SLC22A15: variants seen among roughly 807,000 people sequenced by gnomAD.
SLC22A15 encodes solute carrier family 22 member 15, also known as flipt 1.
A neutral mutation model predicts 62.7 loss-of-function variants in SLC22A15; 45 were observed. The observed-to-expected ratio is 0.72, with a 90% CI of 0.56 to 0.92. SLC22A15 has a LOEUF of 0.92. SLC22A15 is among the 40% of genes least tolerant of loss of function. SLC22A15 has a pLI of 0.00. For missense variants in SLC22A15, 622 were observed against 665.6 expected (o/e 0.93, Z 0.72); for synonymous variants, 264 against 267.0 (o/e 0.99, Z 0.11).
chr1:115,999,166 A>G (rs1175631001), intron 2 of SLC22A15, among the ~76,000 whole-genome samples: 2 of 152,176 alleles, frequency 1.3e-5, no homozygotes, highest in Non-Finnish European at 2.9e-5. Context: ...ATATTTTTGA[A>G]ATTTTTAAGA....
At chr1:116,010,979 C>T (rs994470024) in intron 2 of SLC22A15, among the ~76,000 whole-genome samples, 7 of 152,210 alleles carry the variant, frequency 4.6e-5, no homozygotes, top group Non-Finnish European at 8.8e-5. Flanking sequence ...GGGTGACCTG[C>T]CCTTTGTCTT....
Position 116,020,884 on chromosome 1 carries a change from A to T in SLC22A15, c.597A>T (p.Ala199=). 1 of 1,610,526 alleles carries T rather than the reference A, an allele frequency of 6.2e-7. No homozygotes were observed. The highest frequency in any genetic ancestry group is 8.5e-7 in the Non-Finnish European group (1 of 1,177,974). Residue 199 remains alanine (A), a splice_region_variant and synonymous_variant, in exon 4 of 12, where the codon GCA becomes GCT. Transcript: ENST00000369503. ...TGGGCACCGCCTACTGGGCACTTGCAGGTACTACTTAAATCATGCAGCTCT... is the reference window on the plus strand; with the variant it reads ...TGGGCACCGCCTACTGGGCACTTGCTGGTACTACTTAAATCATGCAGCTCT... ...ECVGTAYWAL[A]GSIGGLFFAV... is the part of the protein sequence containing the mutation.
intron 5 of SLC22A15, among the ~76,000 whole-genome samples, chr1:116,028,219 A>G (rs1657198523): frequency 6.6e-6 from 1 of 152,150 alleles, no homozygotes; most frequent in African/African-American, 2.4e-5. Flanking sequence ...GAAGTGGCCT[A>G]TATTTTAAAA....
chr1:116,021,148 A>G (rs748578768), intron 4 of SLC22A15, among the ~76,000 whole-genome samples: 1 of 152,294 alleles, frequency 6.6e-6, no homozygotes, highest in Admixed American at 6.5e-5. Context: ...TACTGTGGAG[A>G]CTATTGATTT....
At chr1:115,985,207 A>G (rs547594390) in intron 1 of SLC22A15, among the ~76,000 whole-genome samples, 38 of 152,242 alleles carry the variant, frequency 2.5e-4, no homozygotes, top group Non-Finnish European at 5.3e-4. Context: ...CTTTTATTGT[A>G]TATTTTCTAT....
chr1:116,032,444 G>A, intron 6 of SLC22A15: 1 of 985,370 alleles, frequency 1.0e-6, no homozygotes, highest in South Asian at 4.7e-5. Flanking sequence ...AAGCCTGCAT[G>A]GAGCCCTACA....
intron 8 of SLC22A15, among the ~76,000 whole-genome samples, chr1:116,049,626 T>C (rs1167465347): frequency 1.3e-5 from 2 of 152,094 alleles, no homozygotes; most frequent in African/African-American, 4.8e-5. Context: ...TTCATACCCC[T>C]AAACACCTAC....
chr1:115,993,426 A>AGT lies in SLC22A15; in HGVS notation c.300+1184_300+1185insTG, dbSNP rs1553216968. 6.0e-3 allele frequency among the ~76,000 whole-genome samples: 736 copies of AGT among 123,048 alleles called. 8 individuals carry two copies. Among genetic ancestry groups the AGT allele is most frequent in the African/African-American group, 0.027 (694 of 25,620 alleles). 80.7% of individuals were successfully genotyped at this position (123,048 alleles called of 152,430 possible). ...ACTCTCCTGTGTGTGTGAGTGTGTG[A>AGT]GAGTGTGTGTGTGTGTGTGTGTGTG... On this transcript the variant is annotated intron_variant, in intron 2 of 11. Transcript: ENST00000369503.
chr1:116,034,766 T>C (rs1281243822), intron 6 of SLC22A15, among the ~76,000 whole-genome samples: 16 of 152,208 alleles, frequency 1.1e-4, no homozygotes, highest in Admixed American at 1.0e-3. Context: ...TTCTGTTGGC[T>C]TTCTCCATGG....
At chr1:116,032,090 A>AC in intron 6 of SLC22A15, 1 of 985,178 alleles carries the variant, frequency 1.0e-6, no homozygotes, top group Non-Finnish European at 1.2e-6. Flanking sequence ...TACAGATGGG[A>AC]CCCCAGGAGT....
chr1:116,058,504 C>T (rs1437069705), intron 8 of SLC22A15, among the ~76,000 whole-genome samples: 2 of 152,112 alleles, frequency 1.3e-5, no homozygotes, highest in East Asian at 3.9e-4. Flanking sequence ...GGGAACACTT[C>T]CACACTGCTG....
At chr1:116,066,391 G>A in intron 10 of SLC22A15, 129 bp from the exon 11 acceptor site, 1 of 719,672 alleles carries the variant, frequency 1.4e-6, no homozygotes, top group Middle Eastern at 2.6e-4. Context: ...GTGGCTTATA[G>A]TGTTGTCTAG....
chr1:115,976,746 C>A, intron 1 of SLC22A15, 32 bp downstream of exon 1: 1 of 1,539,478 alleles, frequency 6.5e-7, no homozygotes. Flanking sequence ...GCCGCATTTC[C>A]CTCTTCAGGG....
intron 1 of SLC22A15, among the ~76,000 whole-genome samples, chr1:115,988,714 G>A (rs1362227896): frequency 6.8e-6 from 1 of 146,202 alleles, no homozygotes; most frequent in Admixed American, 6.8e-5. Context: ...TGTATTTTTA[G>A]TAGAGACAGG....
intron 8 of SLC22A15, among the ~76,000 whole-genome samples, chr1:116,061,355 G>A (rs529159171): frequency 6.6e-6 from 1 of 152,158 alleles, no homozygotes; most frequent in South Asian, 2.1e-4. Flanking sequence ...GTTTCTGTGA[G>A]CCATACATTC....
chr1:116,031,899 A>G, intron 6 of SLC22A15: 1 of 1,126,974 alleles, frequency 8.9e-7, no homozygotes, highest in Non-Finnish European at 1.1e-6. Flanking sequence ...GCAAAAAAGG[A>G]AAGAAAGCAA....
intron 10 of SLC22A15, 120 bp downstream of exon 10, chr1:116,064,628 C>A: frequency 1.4e-6 from 1 of 734,588 alleles, no homozygotes; most frequent in Admixed American, 2.2e-5. Flanking sequence ...CAAATGTGAA[C>A]CTTGGCCCTT....
At chr1:116,066,195 T>C (rs1658493127) in intron 10 of SLC22A15, among the ~76,000 whole-genome samples, 1 of 152,182 alleles carries the variant, frequency 6.6e-6, no homozygotes, top group South Asian at 2.1e-4. Flanking sequence ...TCCTGTCAGC[T>C]CTGGCCATAT....
intron 1 of SLC22A15, among the ~76,000 whole-genome samples, chr1:115,990,567 A>C (rs1655094287): frequency 6.6e-6 from 1 of 152,168 alleles, no homozygotes; most frequent in Non-Finnish European, 1.5e-5. Context: ...AACAGTATGC[A>C]AATAGGAGCC....
Sources: allele counts gnomAD v4.1 joint callset (sites outside exome capture counted in the v4.1 genomes callset), GRCh38; gene constraint gnomAD v4.1.1; transcripts MANE v1.5; gene names NCBI Gene and HGNC (gene_info 2026-07-23, HGNC 2026-07-21).